Variants in TULP4 observed in about 807,000 individuals in gnomAD.
The protein encoded by TULP4 is TUB like protein 4.
In TULP4, 16 loss-of-function variants were observed where a neutral mutation model predicts 129.0. That is an observed-to-expected ratio of 0.12 (90% CI 0.08 to 0.19). The LOEUF (loss-of-function observed/expected upper bound fraction) is 0.19, where lower values mean the gene tolerates loss of function less well. Ranked by LOEUF, TULP4 falls within the 10% of genes least tolerant of loss-of-function variation. TULP4 has a pLI of 1.00. For synonymous variants in TULP4, 998 were observed against 854.0 expected (o/e 1.17, Z -2.94); for missense variants, 1,842 against 2,059.1 (o/e 0.89, Z 2.04).
Position 158,452,258 on chromosome 6 carries a change from A to C in TULP4, c.849A>C (p.Ser283=), listed in dbSNP as rs1393733195. Residue 283 remains serine, a synonymous_variant, in exon 5 of 14, where the codon TCA becomes TCC. Coordinates refer to ENST00000367097, the MANE Select transcript of TULP4 (RefSeq NM_020245.5). The part of the protein sequence containing the change: ...YDDLSPTVIR[S]GLKEVVAQWC... ...ACTTGTCTCCCACGGTCATCCGCTC[A>C]GGGCTGAAAGGTACAGAATGCTGCA... The C allele has an allele frequency of 2.5e-6, 4 of 1,613,986 alleles. No individual in the cohort carries two copies. The highest frequency in any genetic ancestry group is 3.4e-6 in the Non-Finnish European group (4 of 1,179,984).
At chr6:158,248,576 T>C (rs889572436) in intron 1 of TULP4, among the ~76,000 whole-genome samples, 1 of 152,030 alleles carries the variant, frequency 6.6e-6, no homozygotes, top group African/African-American at 2.4e-5. Flanking sequence ...GCGTCTGTTC[T>C]TTACAGATAA....
At position 158,506,794 on chromosome 6, in the gene TULP4, A is replaced by G. The variant is rs1780614270; in HGVS notation, c.*100A>G. The G allele has an allele frequency of 1.3e-6, 1 of 789,420 alleles. No individual in the cohort carries two copies. Among genetic ancestry groups the G allele is most frequent in the African/African-American group, 1.7e-5 (1 of 58,168 alleles). 48.9% of individuals were successfully genotyped at this position (789,420 alleles called of 1,614,324 possible). ...TAGGGGTCCGATGCCTGGGAGGACCAGAAGCCAACAGCAAAACTGGAAAAG... is the reference window on the plus strand; with the variant it reads ...TAGGGGTCCGATGCCTGGGAGGACCGGAAGCCAACAGCAAAACTGGAAAAG... On this transcript the variant is annotated 3_prime_UTR_variant, in exon 14 of 14. Coordinates refer to ENST00000367097, the MANE Select transcript of TULP4 (RefSeq NM_020245.5).
In TULP4 at chr6:158,481,114, C is replaced by G. The variant is rs549860418; in HGVS notation, c.1311C>G (p.Asn437Lys). 1.4e-5 allele frequency: 22 copies of G among 1,600,726 alleles called. No homozygotes were observed. Among genetic ancestry groups the G allele is most frequent in the Non-Finnish European group, 1.6e-5 (19 of 1,169,568 alleles). ...TTGTCAGCTACCCATCAGCCGGCAACGAGCGGCTGCACTGCACCATGAAGC... is the reference window on the plus strand; with the variant it reads ...TTGTCAGCTACCCATCAGCCGGCAAGGAGCGGCTGCACTGCACCATGAAGC... ...RDFVSYPSAG[N>K]ERLHCTMKRT... is the part of the protein sequence containing the mutation. Residue 437 changes from asparagine (N) to lysine (K), a missense_variant, in exon 8 of 14, where the codon AAC (asparagine) becomes AAG (lysine). Asn to Lys is a moderately conservative substitution (Grantham distance 94, BLOSUM62 0). This residue lies in a region of TULP4 where 456 missense variants were observed against 534.3 expected (regional missense o/e 0.85). Transcript: ENST00000367097.
chr6:158,266,262 T>A (rs1483391862), intron 1 of TULP4, among the ~76,000 whole-genome samples: 2 of 152,214 alleles, frequency 1.3e-5, no homozygotes, highest in Non-Finnish European at 2.9e-5. Flanking sequence ...TGTGATAAAA[T>A]TTACTTTTTT....
chr6:158,492,451 T>A (rs185101677), intron 9 of TULP4, among the ~76,000 whole-genome samples: 3 of 152,354 alleles, frequency 2.0e-5, no homozygotes, highest in Admixed American at 2.0e-4. Context: ...TTTTCATCTT[T>A]GTTCCAGAGC....
chr6:158,337,809 A>G (rs747324437), intron 1 of TULP4, among the ~76,000 whole-genome samples: 2 of 151,598 alleles, frequency 1.3e-5, no homozygotes, highest in Non-Finnish European at 2.9e-5. Context: ...TTTTTAAAGC[A>G]GTTAAGCACT....
intron 1 of TULP4, among the ~76,000 whole-genome samples, chr6:158,294,162 G>T (rs1417874360): frequency 6.6e-6 from 1 of 152,110 alleles, no homozygotes; most frequent in Admixed American, 6.5e-5. Flanking sequence ...TCAAGAGTTT[G>T]CAACCAGCCT....
intron 1 of TULP4, among the ~76,000 whole-genome samples, chr6:158,360,404 T>C (rs184834071): frequency 6.6e-5 from 10 of 152,320 alleles, no homozygotes; most frequent in African/African-American, 2.4e-4. Context: ...CGAGTGCACA[T>C]GTCAGTGTCT....
At chr6:158,480,993 CTT>C in intron 7 of TULP4, 60 bp from the exon 8 acceptor site, 1 of 1,474,788 alleles carries the variant, frequency 6.8e-7, no homozygotes. Context: ...TGCCCACTCT[CTT>C]TCCCTCTCTC....
chr6:158,254,598 C>A (rs9364886), intron 1 of TULP4, among the ~76,000 whole-genome samples: 50,043 of 152,084 alleles, frequency 0.33, 9,228 homozygotes, highest in Admixed American at 0.45. Flanking sequence ...TATGTTTAAC[C>A]CCTAGTTTAC....
intron 1 of TULP4, among the ~76,000 whole-genome samples, chr6:158,297,698 G>T (rs1434905986): frequency 6.6e-6 from 1 of 152,164 alleles, no homozygotes; most frequent in African/African-American, 2.4e-5. Flanking sequence ...CGGGGTGCCT[G>T]ACTTCCCACA....
intron 1 of TULP4, among the ~76,000 whole-genome samples, chr6:158,363,619 G>C (rs1780850931): frequency 6.6e-6 from 1 of 152,130 alleles, no homozygotes; most frequent in Non-Finnish European, 1.5e-5. Context: ...GAGTAGCTGG[G>C]ACTACAGGCA....
chr6:158,365,825 T>C (rs1376907813), intron 1 of TULP4, among the ~76,000 whole-genome samples: 1 of 151,754 alleles, frequency 6.6e-6, no homozygotes, highest in African/African-American at 2.4e-5. Context: ...ATGTTTTTAT[T>C]TTGTCAGGAG....
At chr6:158,336,899 T>C (rs541334187) in intron 1 of TULP4, among the ~76,000 whole-genome samples, 1 of 152,252 alleles carries the variant, frequency 6.6e-6, no homozygotes, top group East Asian at 1.9e-4. Flanking sequence ...AGATGTTTTC[T>C]TCCTGATTTC....
intron 1 of TULP4, among the ~76,000 whole-genome samples, chr6:158,409,519 C>G (rs1034461259): frequency 6.6e-6 from 1 of 152,152 alleles, no homozygotes; most frequent in African/African-American, 2.4e-5. Flanking sequence ...GGCCCCATAG[C>G]ACAAAATTCG....
At chr6:158,395,505 T>C (rs1292537273) in intron 1 of TULP4, among the ~76,000 whole-genome samples, 2 of 150,512 alleles carry the variant, frequency 1.3e-5, no homozygotes, top group Non-Finnish European at 3.0e-5. Flanking sequence ...CGCTTGAACC[T>C]GGGAGGCGGA....
chr6:158,441,788 G>C (rs1778904320), intron 3 of TULP4, among the ~76,000 whole-genome samples: 1 of 152,092 alleles, frequency 6.6e-6, no homozygotes, highest in Non-Finnish European at 1.5e-5. Flanking sequence ...CACACACCCT[G>C]GAGCAAACAC....
intron 1 of TULP4, among the ~76,000 whole-genome samples, chr6:158,365,457 T>TTTTTTTC (rs1040855923): frequency 2.0e-5 from 3 of 151,352 alleles, no homozygotes; most frequent in South Asian, 2.1e-4. Context: ...TTTTTTTTTC[T>TTTTTTTC]TTTTTTCTTT....
At position 158,444,128 on chromosome 6, in the gene TULP4, G is replaced by A. The variant is rs185736674; in HGVS notation, c.544-4868G>A. ...CCAGCTACTCGGGAGGCTGAGGCAG[G>A]AGAATGGCATGAACCTGGGAGGCAG... is the stretch of plus-strand genomic sequence containing the variant. On this transcript the variant is annotated intron_variant, in intron 3 of 13. Coordinates refer to ENST00000367097, the MANE Select transcript of TULP4 (RefSeq NM_020245.5). Among the ~76,000 whole-genome samples, 811 of 137,880 alleles carry A rather than the reference G, an allele frequency of 5.9e-3. 6 individuals carry two copies. The highest frequency in any genetic ancestry group is 0.02 in the African/African-American group (750 of 37,124). 90.5% of individuals were successfully genotyped at this position (137,880 alleles called of 152,430 possible). A position where few individuals can be genotyped will look rare whatever the true frequency, so the allele number is the denominator to read the frequency against.
Sources: allele counts gnomAD v4.1 joint callset (sites outside exome capture counted in the v4.1 genomes callset), GRCh38; gene constraint gnomAD v4.1.1; regional missense constraint gnomAD v4.1.1; transcripts MANE v1.5; gene names NCBI Gene and HGNC (gene_info 2026-07-23, HGNC 2026-07-21).